MACROD2: variants seen among roughly 807,000 people sequenced by gnomAD.
MACROD2 encodes ADP-ribose glycohydrolase MACROD2.
Under a neutral mutation model 70.4 loss-of-function variants are expected in MACROD2, and 36 were observed. The observed-to-expected ratio is 0.51, with a 90% CI of 0.39 to 0.68. The LOEUF is 0.68. Among genes scored for constraint, MACROD2 ranks in the 30% least tolerant of loss-of-function variants. The pLI is 0.00. For missense variants in MACROD2, 496 were observed against 538.4 expected, an observed-to-expected ratio of 0.92 and a Z score of 0.78; for synonymous variants, 172 against 178.8, an observed-to-expected ratio of 0.96 and a Z score of 0.30.
At chr20:14,544,747 T>C (rs2085472524) in intron 4 of MACROD2, among the ~76,000 whole-genome samples, 1 of 152,182 alleles carries the variant, frequency 6.6e-6, no homozygotes, top group Non-Finnish European at 1.5e-5. Context: ...TGGAGCTTAA[T>C]GATGCTGTGG....
At chr20:15,843,792 G>A (rs375659559) in intron 8 of MACROD2, among the ~76,000 whole-genome samples, 6 of 152,116 alleles carry the variant, frequency 3.9e-5, no homozygotes, top group African/African-American at 9.7e-5. Flanking sequence ...AACCACTCCA[G>A]GAAAATGAGA....
At chr20:15,847,817 T>C (rs1270116819) in intron 8 of MACROD2, among the ~76,000 whole-genome samples, 1 of 152,220 alleles carries the variant, frequency 6.6e-6, no homozygotes, top group African/African-American at 2.4e-5. Flanking sequence ...TAGTCTTCTC[T>C]TCTTTCTTTT....
intron 5 of MACROD2, among the ~76,000 whole-genome samples, chr20:15,167,539 A>C (rs1221936299): frequency 6.6e-6 from 1 of 152,078 alleles, no homozygotes; most frequent in East Asian, 1.9e-4. Flanking sequence ...AAACCTACTC[A>C]AAAAAATATG....
At chr20:15,677,646 C>A (rs1207933205) in intron 8 of MACROD2, among the ~76,000 whole-genome samples, 1 of 151,698 alleles carries the variant, frequency 6.6e-6, no homozygotes, top group Non-Finnish European at 1.5e-5. Context: ...GCACTTCAAA[C>A]CCAACCCTCA....
At chr20:14,298,339 G>T (rs1239204702) in intron 3 of MACROD2, among the ~76,000 whole-genome samples, 1 of 151,700 alleles carries the variant, frequency 6.6e-6, no homozygotes, top group Admixed American at 6.6e-5. Flanking sequence ...AGGCTGAGGC[G>T]GCTGGATCAC....
chr20:15,577,639 CTCCCT>C (rs2048467583), intron 8 of MACROD2, among the ~76,000 whole-genome samples: 2 of 152,064 alleles, frequency 1.3e-5, no homozygotes, highest in African/African-American at 4.8e-5. Context: ...TGCGTGCGTA[CTCCCT>C]GCGTGCGTAC....
chr20:14,793,757 A>T (rs1160632239), intron 5 of MACROD2, among the ~76,000 whole-genome samples: 2 of 152,004 alleles, frequency 1.3e-5, no homozygotes, highest in African/African-American at 4.8e-5. Context: ...AGGCTGCAGG[A>T]GGGTCCCAGT....
chr20:15,227,649 T>C (rs2076918800), intron 5 of MACROD2, among the ~76,000 whole-genome samples: 1 of 152,004 alleles, frequency 6.6e-6, no homozygotes, highest in Admixed American at 6.6e-5. Context: ...AAAGGTGAAA[T>C]TGTGGAAATC....
intron 8 of MACROD2, among the ~76,000 whole-genome samples, chr20:15,654,459 C>T (rs541913531): frequency 3.7e-4 from 56 of 152,308 alleles, no homozygotes; most frequent in African/African-American, 1.2e-3. Flanking sequence ...AAAGTAATTG[C>T]GGCTTTTGCC....
At chr20:15,109,068 A>G (rs1216424324) in intron 5 of MACROD2, among the ~76,000 whole-genome samples, 1 of 152,180 alleles carries the variant, frequency 6.6e-6, no homozygotes, top group Non-Finnish European at 1.5e-5. Flanking sequence ...ATTCAGCCAC[A>G]CCCATTCACT....
chr20:14,398,368 G>T (rs954724736), intron 3 of MACROD2, among the ~76,000 whole-genome samples: 5 of 149,696 alleles, frequency 3.3e-5, no homozygotes, highest in African/African-American at 1.2e-4. Flanking sequence ...CCCACCAACA[G>T]TGTGTAGGAG....
At chr20:15,471,113 C>T (rs1304493876) in intron 7 of MACROD2, among the ~76,000 whole-genome samples, 4 of 152,132 alleles carry the variant, frequency 2.6e-5, no homozygotes, top group Admixed American at 6.6e-5. Context: ...TCACTTAGTT[C>T]TCATCCTTGG....
intron 5 of MACROD2, among the ~76,000 whole-genome samples, chr20:14,991,740 G>A (rs2074906022): frequency 6.6e-6 from 1 of 152,188 alleles, no homozygotes; most frequent in African/African-American, 2.4e-5. Context: ...GAAGCAAGGT[G>A]ACACATTTTA....
At chr20:15,658,976 T>C (rs2146811588) in intron 8 of MACROD2, among the ~76,000 whole-genome samples, 1 of 152,318 alleles carries the variant, frequency 6.6e-6, no homozygotes, top group South Asian at 2.1e-4. Flanking sequence ...TTAAGACATA[T>C]AGTAACATAG....
intron 7 of MACROD2, among the ~76,000 whole-genome samples, chr20:15,467,206 G>A (rs1600453822): frequency 6.6e-6 from 1 of 152,234 alleles, no homozygotes; most frequent in South Asian, 2.1e-4. Context: ...TGATGGGATT[G>A]GTGGATAAGT....
intron 6 of MACROD2, among the ~76,000 whole-genome samples, chr20:15,308,307 T>A (rs2146141379): frequency 6.6e-6 from 1 of 152,278 alleles, no homozygotes; most frequent in East Asian, 1.9e-4. Flanking sequence ...GCTGAGACTC[T>A]TGCTTTACAA....
chr20:14,969,812 G>A (rs982088883), intron 5 of MACROD2, among the ~76,000 whole-genome samples: 2 of 152,090 alleles, frequency 1.3e-5, no homozygotes. Context: ...CTCCAAGAAT[G>A]AAATGATACT....
intron 8 of MACROD2, among the ~76,000 whole-genome samples, chr20:15,657,120 A>G (rs2049743047): frequency 6.6e-6 from 1 of 152,208 alleles, no homozygotes; most frequent in African/African-American, 2.4e-5. Context: ...GAAAGAAGGC[A>G]GAAGGAATAA....
chr20:14,600,229 T>C (rs2123401666), intron 4 of MACROD2, among the ~76,000 whole-genome samples: 1 of 151,984 alleles, frequency 6.6e-6, no homozygotes, highest in Admixed American at 6.6e-5. Context: ...TTCTTAGCTA[T>C]AAAATAGGAA....
Sources: allele counts gnomAD v4.1 joint callset (sites outside exome capture counted in the v4.1 genomes callset), GRCh38; gene constraint gnomAD v4.1.1; transcripts MANE v1.5; gene names NCBI Gene and HGNC (gene_info 2026-07-23, HGNC 2026-07-21).